SLC44A5: variants seen among roughly 807,000 people sequenced by gnomAD.
SLC44A5 encodes choline transporter-like protein 5.
A neutral mutation model predicts 101.8 loss-of-function variants in SLC44A5; 57 were observed. That is an observed-to-expected ratio of 0.56 (90% confidence interval 0.45 to 0.70). SLC44A5 has a LOEUF of 0.70. Among genes scored for constraint, SLC44A5 ranks in the 30% least tolerant of loss-of-function variants. The pLI is 0.00. For missense variants in SLC44A5, 737 were observed against 853.1 expected (o/e 0.86, Z 1.70); for synonymous variants, 281 against 290.9 (o/e 0.97, Z 0.35).
chr1:75,243,109 C>T (rs1027938554), intron 7 of SLC44A5, 98 bp from the exon 8 acceptor site: 1 of 1,349,666 alleles, frequency 7.4e-7, no homozygotes, highest in African/African-American at 1.5e-5. Flanking sequence ...TAACAAAAAG[C>T]AATGCACTGT....
chr1:75,227,089 C>T (rs1466693324), intron 13 of SLC44A5, among the ~76,000 whole-genome samples: 1 of 152,042 alleles, frequency 6.6e-6, no homozygotes, highest in Non-Finnish European at 1.5e-5. Context: ...GGCACGGTGG[C>T]TCACGCCAGC....
At chr1:75,507,066 C>A (rs1166954110) in intron 2 of SLC44A5, among the ~76,000 whole-genome samples, 3 of 151,820 alleles carry the variant, frequency 2.0e-5, no homozygotes, top group East Asian at 3.9e-4. Flanking sequence ...CAATGCCCAG[C>A]TAATTTTTGC....
the SLC44A5 span, among the ~76,000 whole-genome samples, chr1:75,681,795 T>C: frequency 2.0e-5 from 3 of 151,560 alleles, no homozygotes; most frequent in African/African-American, 7.3e-5. Flanking sequence ...GGGTATTCAA[T>C]TAGGAAAAGA....
At chr1:75,293,552 A>G (rs1653736123) in intron 5 of SLC44A5, among the ~76,000 whole-genome samples, 1 of 152,246 alleles carries the variant, frequency 6.6e-6, no homozygotes, top group Non-Finnish European at 1.5e-5. Flanking sequence ...ATGGCTTTTT[A>G]ACACAAGCAA....
At chr1:75,514,425 A>G (rs538673137) in intron 2 of SLC44A5, among the ~76,000 whole-genome samples, 1 of 152,340 alleles carries the variant, frequency 6.6e-6, no homozygotes, top group Admixed American at 6.5e-5. Flanking sequence ...AAGTACTCAG[A>G]TACTCTACAG....
chr1:75,254,335 G>A (rs549757331), intron 6 of SLC44A5, among the ~76,000 whole-genome samples: 6 of 152,116 alleles, frequency 3.9e-5, no homozygotes, highest in Non-Finnish European at 7.4e-5. Context: ...CAGCGCACCC[G>A]GCCAGACCTC....
the SLC44A5 span, among the ~76,000 whole-genome samples, chr1:75,627,716 C>T: frequency 6.6e-6 from 1 of 151,300 alleles, no homozygotes; most frequent in Admixed American, 6.6e-5. Context: ...AAGGGAAATT[C>T]GTATATAATA....
At chr1:75,569,501 C>T (rs917654695) in intron 1 of SLC44A5, among the ~76,000 whole-genome samples, 1 of 152,134 alleles carries the variant, frequency 6.6e-6, no homozygotes, top group African/African-American at 2.4e-5. Context: ...ATAGGCCTCA[C>T]AAAGTGCTGG....
At chr1:75,325,981 A>T (rs1656559528) in intron 4 of SLC44A5, among the ~76,000 whole-genome samples, 1 of 151,986 alleles carries the variant, frequency 6.6e-6, no homozygotes, top group South Asian at 2.1e-4. Context: ...TAACCATCAC[A>T]TGAGGTCAGG....
chr1:75,654,230 CT>C, the SLC44A5 span, among the ~76,000 whole-genome samples: 1 of 152,102 alleles, frequency 6.6e-6, no homozygotes, highest in Non-Finnish European at 1.5e-5. Context: ...AGGTGAAATA[CT>C]TAAGGAATTA....
At chr1:75,206,790 G>T in intron 23 of SLC44A5, 1 of 894,136 alleles carries the variant, frequency 1.1e-6, no homozygotes, top group East Asian at 2.5e-5. Flanking sequence ...TTATAAATTG[G>T]AGGGTCGAAC....
chr1:75,435,526 A>G (rs567102681), intron 2 of SLC44A5, among the ~76,000 whole-genome samples: 3 of 152,196 alleles, frequency 2.0e-5, no homozygotes, highest in Non-Finnish European at 2.9e-5. Context: ...AAGAGTGACT[A>G]TTCTCCACAC....
At chr1:75,605,299 T>C (rs1675257566) in intron 1 of SLC44A5, among the ~76,000 whole-genome samples, 1 of 152,024 alleles carries the variant, frequency 6.6e-6, no homozygotes, top group South Asian at 2.1e-4. Context: ...TGTTCTGAGT[T>C]TCTTCAGAGC....
At chr1:75,215,689 A>T in intron 19 of SLC44A5, 65 bp downstream of exon 19, 1 of 912,242 alleles carries the variant, frequency 1.1e-6, no homozygotes, top group Non-Finnish European at 1.8e-6. Context: ...TAGAGAGGGC[A>T]ATGTAGACAC....
At chr1:75,711,587 C>T in the SLC44A5 span, among the ~76,000 whole-genome samples, 1 of 152,166 alleles carries the variant, frequency 6.6e-6, no homozygotes, top group Non-Finnish European at 1.5e-5. Flanking sequence ...TGTGAAAAAT[C>T]ATACCAAAGT....
At chr1:75,403,286 G>A (rs1460654128) in intron 2 of SLC44A5, among the ~76,000 whole-genome samples, 1 of 152,206 alleles carries the variant, frequency 6.6e-6, no homozygotes, top group Non-Finnish European at 1.5e-5. Flanking sequence ...AGACTTAAAT[G>A]TTCCTGCCTG....
chr1:75,396,718 T>C (rs1362968339), intron 2 of SLC44A5, 97 bp from the exon 3 acceptor site: 2 of 923,014 alleles, frequency 2.2e-6, no homozygotes, highest in East Asian at 4.8e-5. Context: ...ATCTTAGTCT[T>C]TAGACTAACA....
chr1:75,545,169 T>G (rs1169463396), intron 1 of SLC44A5, among the ~76,000 whole-genome samples: 1 of 152,172 alleles, frequency 6.6e-6, no homozygotes, highest in Non-Finnish European at 1.5e-5. Context: ...CATCCATGTC[T>G]CTGCAAAGGA....
the SLC44A5 span, among the ~76,000 whole-genome samples, chr1:75,713,547 T>C: frequency 6.7e-3 from 1,025 of 152,346 alleles, 16 homozygotes; most frequent in Admixed American, 0.037. Flanking sequence ...AATTATATCA[T>C]ATGCCCATGG....
Sources: gnomAD v4.1 joint callset for allele counts (sites outside exome capture counted in the v4.1 genomes callset) on GRCh38, gnomAD v4.1.1 for gene constraint, MANE v1.5 for transcripts, NCBI Gene and HGNC (gene_info 2026-07-23, HGNC 2026-07-21) for gene names.